Variants in PLAGL1 observed in about 807,000 individuals in gnomAD.
The protein encoded by PLAGL1 is PLAG1 like zinc finger 1.
Under a neutral mutation model 4.6 loss-of-function variants are expected in PLAGL1, and 1 was observed. That is an observed-to-expected ratio of 0.22 (90% CI 0.08 to 1.03). The LOEUF (loss-of-function observed/expected upper bound fraction) is 1.03, where lower values mean the gene tolerates loss of function less well. Among genes scored for constraint, PLAGL1 ranks in the 50% least tolerant of loss-of-function variants. PLAGL1 has a pLI of 0.58. For synonymous variants in PLAGL1, 240 were observed against 237.8 expected, an observed-to-expected ratio of 1.01 and a Z score of -0.08; for missense variants, 464 against 570.4, an observed-to-expected ratio of 0.81 and a Z score of 1.90.
In PLAGL1 at chr6:143,948,698, A is replaced by C. The variant is rs1780329193; in HGVS notation, c.-324-238T>G. On this transcript the variant is annotated intron_variant, in intron 6 of 7. Transcript: ENST00000674357. The surrounding 1 kb of genome is among the most constrained non-coding windows in gnomAD (Gnocchi z 6.0). ...AGCACACTTTCCCTCTGGTAAGGAG[A>C]GTTCTTTCCACGGATCCAGTATTAT... Among the ~76,000 whole-genome samples, 1 of 151,982 alleles carries C rather than the reference A, an allele frequency of 6.6e-6. No individual in the cohort carries two copies. Among genetic ancestry groups the C allele is most frequent in the African/African-American group, 2.4e-5 (1 of 41,378 alleles).
In PLAGL1 at chr6:144,061,442, G is replaced by A. The variant is rs1799391319; in HGVS notation, c.-151+3026C>T. Among the ~76,000 whole-genome samples the A allele has an allele frequency of 6.6e-6, 1 of 152,144 alleles. No homozygotes were observed. On this transcript the variant is annotated intron_variant, in intron 1 of 3. Transcript: ENST00000437412. This position sits in a 1 kb window ranked among gnomAD's most constrained non-coding sequence, Gnocchi z 4.4. Reference sequence around the variant, plus strand: ...CTGAATGTGGCCTTTTCACAGCCAGGTGCCTCTGAAACATCGTAGCTGTTA... The same window carrying A: ...CTGAATGTGGCCTTTTCACAGCCAGATGCCTCTGAAACATCGTAGCTGTTA...
intron 1 of PLAGL1, among the ~76,000 whole-genome samples, chr6:143,987,437 CTTTTTTTTTT>C (rs71024883): frequency 1.1e-4 from 8 of 73,956 alleles, no homozygotes; most frequent in Middle Eastern, 0.014. Flanking sequence ...ACCACACTGG[CTTTTTTTTTT>C]TTTTTTTTTT....
At chr6:143,946,251 G>T (rs1416522066) in intron 7 of PLAGL1, among the ~76,000 whole-genome samples, 2 of 152,130 alleles carry the variant, frequency 1.3e-5, no homozygotes, top group African/African-American at 4.8e-5. Flanking sequence ...GTTGTTCAAG[G>T]GTCAACTGTA....
rs879113509 is a variant in PLAGL1 at position 143,953,149 on chromosome 6, G to A, written c.-324-4689C>T. Among the ~76,000 whole-genome samples, 1 of 152,200 alleles carries A rather than the reference G, an allele frequency of 6.6e-6. No individual in the cohort carries two copies. Among genetic ancestry groups the A allele is most frequent in the Admixed American group, 6.5e-5 (1 of 15,280 alleles). ...TTTTCTCTGTCACTGCCAGGCAGAG[G>A]CACGAGTTCCTCCTCCACACGGTGA... is the stretch of plus-strand genomic sequence containing the variant. On this transcript the variant is annotated intron_variant, in intron 6 of 7. Transcript: ENST00000674357. This position sits in a 1 kb window ranked among gnomAD's most constrained non-coding sequence, Gnocchi z 5.3.
rs1274329863 is a variant in PLAGL1 at position 143,958,686 on chromosome 6, C to T, written c.-325+1783G>A. ...ATTTGAGAAATAAAAATATTTATCA[C>T]TGGTCCTTTAAGATTATCCTGATTC... On this transcript the variant is annotated intron_variant, in intron 6 of 7. Coordinates refer to ENST00000674357, the MANE Select transcript of PLAGL1 (RefSeq NM_001317162.2). The surrounding 1 kb of genome is among the most constrained non-coding windows in gnomAD (Gnocchi z 5.1). Among the ~76,000 whole-genome samples, 1 of 152,218 alleles carries T rather than the reference C, an allele frequency of 6.6e-6. No homozygotes were observed. Among genetic ancestry groups the T allele is most frequent in the Non-Finnish European group, 1.5e-5 (1 of 68,040 alleles).
Position 143,968,458 on chromosome 6 carries a change from C to T in PLAGL1, c.-472+449G>A, listed in dbSNP as rs1784838835. On this transcript the variant is annotated intron_variant, in intron 3 of 7. Coordinates refer to ENST00000674357, the MANE Select transcript of PLAGL1 (RefSeq NM_001317162.2). This position sits in a 1 kb window ranked among gnomAD's most constrained non-coding sequence, Gnocchi z 6.3. Reference sequence around the variant, plus strand: ...TCTGATTCTAAATGGTGGACCCTACCTCAGTTTTTTTTTTCCTAATATTTC... The same window carrying T: ...TCTGATTCTAAATGGTGGACCCTACTTCAGTTTTTTTTTTCCTAATATTTC... The T allele has an allele frequency of 1.4e-5, 2 of 147,612 alleles. No individual in the cohort carries two copies. Among genetic ancestry groups the T allele is most frequent in the South Asian group, 4.6e-4 (2 of 4,352 alleles). The allele number at this position is 147,612 out of a possible 1,614,324, so 9.1% of individuals were successfully genotyped here. A position where few individuals can be genotyped will look rare whatever the true frequency, so the allele number is the denominator to read the frequency against.
rs1788531978 is a variant in PLAGL1, at chr6:143,984,148, G to C, written c.-544+987C>G. Among the ~76,000 whole-genome samples, 1 of 152,142 alleles carries C rather than the reference G, an allele frequency of 6.6e-6. No homozygotes were observed. The highest frequency in any genetic ancestry group is 1.5e-5 in the Non-Finnish European group (1 of 68,024). On this transcript the variant is annotated intron_variant, in intron 2 of 7. Coordinates refer to ENST00000674357, the MANE Select transcript of PLAGL1 (RefSeq NM_001317162.2). This position sits in a 1 kb window ranked among gnomAD's most constrained non-coding sequence, Gnocchi z 5.5. ...TCAGCTGTTTTAAGCTAATCCAACT[G>C]TCCTTTTATGGTCCAACTTGCGTTC...
chr6:143,950,280 T>C lies in PLAGL1; in HGVS notation c.-324-1820A>G, dbSNP rs1163579081. Among the ~76,000 whole-genome samples, 2 of 152,206 alleles carry C rather than the reference T, an allele frequency of 1.3e-5. No individual in the cohort carries two copies. The highest frequency in any genetic ancestry group is 4.8e-5 in the African/African-American group (2 of 41,444). ...TTATGTGTGACTTTAACTAATTACC[T>C]GTCCCGGCTCTGCCCAAACCCCTTT... On this transcript the variant is annotated intron_variant, in intron 6 of 7. Transcript: ENST00000674357. The surrounding 1 kb of genome is among the most constrained non-coding windows in gnomAD (Gnocchi z 6.3).
At chr6:144,010,797 A>AC (rs1200447261), upstream of PLAGL1, among the ~76,000 whole-genome samples, 2 of 152,160 alleles carry the variant, frequency 1.3e-5, no homozygotes, top group African/African-American at 4.8e-5. The surrounding 1 kb of genome is among the most constrained non-coding windows in gnomAD (Gnocchi z 4.1). Flanking sequence ...CAGAAATAAC[A>AC]CCACACATCT....
At position 143,965,539 on chromosome 6, in the gene PLAGL1, G is replaced by T. The variant is rs1221570117; in HGVS notation, c.-431+619C>A. The T allele has an allele frequency of 2.6e-5, 4 of 152,236 alleles. No individual in the cohort carries two copies. In the East Asian group the frequency reaches 7.7e-4, roughly 29 times the overall value. 9.4% of individuals were successfully genotyped at this position (152,236 alleles called of 1,614,324 possible). On this transcript the variant is annotated intron_variant, in intron 4 of 7. Coordinates refer to ENST00000674357, the MANE Select transcript of PLAGL1 (RefSeq NM_001317162.2). This position sits in a 1 kb window ranked among gnomAD's most constrained non-coding sequence, Gnocchi z 7.5. ...CAGGGAGCAAGTGCCCTGTTGCAGA[G>T]GCAGAGATTGCCAAGATGGTCTCCT...
At chr6:144,026,899 C>A (rs1796381539) in intron 1 of PLAGL1, among the ~76,000 whole-genome samples, 1 of 152,040 alleles carries the variant, frequency 6.6e-6, no homozygotes, top group African/African-American at 2.4e-5. Flanking sequence ...AAATTAAGCT[C>A]ATCAATAAAA....
In PLAGL1 at chr6:143,949,286, C is replaced by A. The variant is rs1024652970; in HGVS notation, c.-324-826G>T. Among the ~76,000 whole-genome samples, 1 of 152,204 alleles carries A rather than the reference C, an allele frequency of 6.6e-6. No homozygotes were observed. Among genetic ancestry groups the A allele is most frequent in the African/African-American group, 2.4e-5 (1 of 41,444 alleles). ...GTCTCAAACCCAAATCATTATCATC[C>A]TTCTGACTCAGCCAGAGTCACCAAA... is the stretch of plus-strand genomic sequence containing the variant. On this transcript the variant is annotated intron_variant, in intron 6 of 7. Transcript: ENST00000674357. This position sits in a 1 kb window ranked among gnomAD's most constrained non-coding sequence, Gnocchi z 5.3.
chr6:144,040,269 C>G (rs991844289), intron 1 of PLAGL1, among the ~76,000 whole-genome samples: 9 of 152,134 alleles, frequency 5.9e-5, no homozygotes, highest in African/African-American at 1.9e-4. Context: ...TGGCTCACAC[C>G]TGTAATCCCA....
chr6:144,033,086 T>G (rs1796951232), intron 1 of PLAGL1, among the ~76,000 whole-genome samples: 1 of 152,174 alleles, frequency 6.6e-6, no homozygotes, highest in Non-Finnish European at 1.5e-5. Flanking sequence ...ATTCATTAGA[T>G]GAATTTTAGA....
Position 143,942,468 on chromosome 6 carries a change from G to A in PLAGL1, c.348C>T (p.Ser116=). The change falls in exon 8 of 8, where the codon AGC becomes AGT. Residue 116 remains serine (S), a synonymous_variant. Transcript: ENST00000674357. The surrounding 1 kb of genome is among the most constrained non-coding windows in gnomAD (Gnocchi z 7.6). The stretch of plus-strand genomic sequence containing the variant: ...AGACCCCACAGGTGAGGTCCCCACT[G>A]CTGGCCGCATGGAGGGCCAGGTGCC... ...YKRHLALHAA[S]SGDLTCGVCA... 1 of 1,614,158 alleles carries A rather than the reference G, an allele frequency of 6.2e-7. No homozygotes were observed. The highest frequency in any genetic ancestry group is 8.5e-7 in the Non-Finnish European group (1 of 1,180,004).
At chr6:144,002,329 T>C (rs1477882635) in intron 1 of PLAGL1, among the ~76,000 whole-genome samples, 2 of 152,142 alleles carry the variant, frequency 1.3e-5, no homozygotes, top group Non-Finnish European at 2.9e-5. Flanking sequence ...CCCTTAATAG[T>C]GAAATATTGA....
At chr6:144,029,104 A>G (rs942387232) in intron 1 of PLAGL1, among the ~76,000 whole-genome samples, 1 of 152,202 alleles carries the variant, frequency 6.6e-6, no homozygotes, top group African/African-American at 2.4e-5. Flanking sequence ...ATAATCTATT[A>G]TGTAGCTATA....
chr6:143,948,067 A>C lies in PLAGL1; in HGVS notation c.70T>G (p.Tyr24Asp). 1 of 1,613,884 alleles carries C rather than the reference A, an allele frequency of 6.2e-7. No individual in the cohort carries two copies. Among genetic ancestry groups the C allele is most frequent in the Non-Finnish European group, 8.5e-7 (1 of 1,179,736 alleles). Residue 24 changes from tyrosine (Y) to aspartate (D), a missense_variant, in exon 7 of 8, where the codon TAT becomes GAT. Physicochemically the swap from Tyr to Asp is radical, Grantham distance 160. Around this residue, in one of 4 missense-constraint regions of PLAGL1, gnomAD observed 161 missense variants for 196.7 expected, o/e 0.82. Transcript: ENST00000674357. This position sits in a 1 kb window ranked among gnomAD's most constrained non-coding sequence, Gnocchi z 6.0. ...TACGGCCGCTCCCTGGAGTGGGAAT[A>C]ATTGTGAATCGTGAACTTCTCCAGG... Reference protein sequence around the residue: ...LTLEKFTIHNYSHSRERPYKC... With the variant: ...LTLEKFTIHNDSHSRERPYKC...
rs1474881122 is a variant in PLAGL1 at position 143,978,223 on chromosome 6, GTTTAA to G, written c.-544+6907_-544+6911del. ...ATTTACTTTCTTCTGCTCACTGCAG[GTTTAA>G]TTTGTTTCTCTTTTTCTAGTTTCCA... On this transcript the variant is annotated intron_variant, in intron 2 of 7. Coordinates refer to ENST00000674357, the MANE Select transcript of PLAGL1 (RefSeq NM_001317162.2). The surrounding 1 kb of genome is among the most constrained non-coding windows in gnomAD (Gnocchi z 4.6). Among the ~76,000 whole-genome samples the G allele has an allele frequency of 6.6e-6, 1 of 152,024 alleles. No individual in the cohort carries two copies.
Sources: gnomAD v4.1 joint callset for allele counts (sites outside exome capture counted in the v4.1 genomes callset) on GRCh38, gnomAD v4.1.1 for gene constraint, gnomAD v4.1.1 regional missense constraint, Gnocchi (gnomAD v3.1) non-coding constraint, MANE v1.5 for transcripts, NCBI Gene and HGNC (gene_info 2026-07-23, HGNC 2026-07-21) for gene names.